The following UFC1 variants were observed in gnomAD, a reference collection of about 807,000 sequenced individuals.
UFC1 encodes the protein ubiquitin-fold modifier-conjugating enzyme 1.
Under a neutral mutation model 28.0 loss-of-function variants are expected in UFC1, and 22 were observed. The observed-to-expected ratio is 0.78, with a 90% CI of 0.56 to 1.12. The LOEUF is 1.12. Among genes scored for constraint, UFC1 ranks in the 50% most tolerant of loss-of-function variants. The probability of loss-of-function intolerance (pLI) is 0.00; values close to 1 mark genes in which losing one functional copy is unlikely to be tolerated. For synonymous variants in UFC1, 61 were observed against 74.5 expected, an observed-to-expected ratio of 0.82 and a Z score of 0.93; for missense variants, 189 against 207.8, an observed-to-expected ratio of 0.91 and a Z score of 0.56.
chr1:161,158,318 A>G (rs528281489), intron 5 of UFC1, 94 bp from the exon 6 acceptor site: 16 of 1,575,660 alleles, frequency 1.0e-5, no homozygotes, highest in Admixed American at 3.3e-5. Context: ...TCCCTTAAGC[A>G]TGTTCCCCCA....
intron 3 of UFC1, 53 bp downstream of exon 3, chr1:161,157,370 A>G (rs1287131892): frequency 2.5e-6 from 4 of 1,598,210 alleles, no homozygotes; most frequent in Non-Finnish European, 3.4e-6. Flanking sequence ...GAGGGATTAG[A>G]TGATGGGTAA....
rs920778048 is a variant in UFC1 at position 161,158,587 on chromosome 1, G to A, written c.*95G>A. On this transcript the variant is annotated 3_prime_UTR_variant, in exon 6 of 6. Transcript: ENST00000368003. ...ACTTAACTCATCTAACTGCTTCCCC[G>A]GACACCCTCCACCTCTAGTTGTTAC... 20 of 1,340,682 alleles carry A rather than the reference G, an allele frequency of 1.5e-5. No homozygotes were observed. The highest frequency in any genetic ancestry group is 2.4e-5 in the East Asian group (1 of 42,436). The allele number at this position is 1,340,682 out of a possible 1,614,324, so 83.0% of individuals were successfully genotyped here.
Position 161,158,121 on chromosome 1 carries a change from G to A in UFC1, c.333G>A (p.Arg111=). The A allele has an allele frequency of 6.2e-6, 10 of 1,614,056 alleles. No individual in the cohort carries two copies. Among genetic ancestry groups the A allele is most frequent in the Non-Finnish European group, 8.5e-6 (10 of 1,179,962 alleles). The change falls in exon 5 of 6, where the codon AGG becomes AGA. Residue 111 remains arginine (R), a splice_region_variant and synonymous_variant. Coordinates refer to ENST00000368003, the MANE Select transcript of UFC1 (RefSeq NM_016406.4). ...CACCTTCTTCATGTCCCTCTCATAG[G>A]GGTGGCAAAATATGCCTGACGGATC... ...ELDGKTAKMY[R]GGKICLTDHF...
In UFC1 at chr1:161,158,421, T is replaced by C. The variant is rs377265820; in HGVS notation, c.433T>C (p.Trp145Arg). Residue 145 changes from tryptophan (W) to arginine (R), a missense_variant, in exon 6 of 6, where the codon TGG (tryptophan) becomes CGG (arginine). Transcript: ENST00000368003. ...TTTCCTTGTATTGCAGCTGGGTCCA[T>C]GGCTGGCAGTGGAAATCCCTGATCT... Reference protein sequence around the residue: ...AHLMALGLGPWLAVEIPDLIQ... With the variant: ...AHLMALGLGPRLAVEIPDLIQ... 1.2e-5 allele frequency: 20 copies of C among 1,614,084 alleles called. No homozygotes were observed. The highest frequency in any genetic ancestry group is 1.7e-5 in the Non-Finnish European group (20 of 1,180,050).
At chr1:161,155,721 G>C (rs1053404756) in intron 1 of UFC1, among the ~76,000 whole-genome samples, 1 of 152,222 alleles carries the variant, frequency 6.6e-6, no homozygotes, top group African/African-American at 2.4e-5. Context: ...GATTAGTGTA[G>C]TAAGGGATAG....
At chr1:161,156,200 C>T (rs1657498808) in intron 1 of UFC1, among the ~76,000 whole-genome samples, 1 of 152,134 alleles carries the variant, frequency 6.6e-6, no homozygotes, top group African/African-American at 2.4e-5. Flanking sequence ...GCCTTGTCTT[C>T]AGCTTTGCTA....
At chr1:161,157,820 C>A in intron 4 of UFC1, 127 bp downstream of exon 4, 1 of 794,832 alleles carries the variant, frequency 1.3e-6, no homozygotes, top group Non-Finnish European at 2.1e-6. Context: ...ATGGGATGAT[C>A]TATGTGTAAA....
Position 161,157,671 on chromosome 1 carries a change from G to A in UFC1, c.310G>A (p.Gly104Arg), listed in dbSNP as rs1435223013. The A allele has an allele frequency of 1.2e-6, 2 of 1,614,008 alleles. No homozygotes were observed. The highest frequency in any genetic ancestry group is 1.7e-6 in the Non-Finnish European group (2 of 1,179,946). Residue 104 changes from glycine to arginine, a missense_variant, in exon 4 of 6, where the codon GGA becomes AGA. Gly to Arg is a moderately radical substitution (Grantham distance 125). Transcript: ENST00000368003. Reference sequence around the variant, plus strand: ...AGAAATTGCAGTTCCTGAGCTGGATGGAAAGACAGCAAAGATGTACAGGTA... The same window carrying A: ...AGAAATTGCAGTTCCTGAGCTGGATAGAAAGACAGCAAAGATGTACAGGTA... ...APEIAVPELD[G>R]KTAKMYRGGK...
chr1:161,156,876 ACTTTT>A (rs1020417292), intron 1 of UFC1, 69 bp from the exon 2 acceptor site: 4 of 1,259,940 alleles, frequency 3.2e-6, no homozygotes, highest in Admixed American at 2.2e-5. Context: ...ATAACCACAT[ACTTTT>A]CTTTTGAGGA....
In UFC1 at chr1:161,153,997, G is replaced by A. The variant is rs1220966777; in HGVS notation, c.-1G>A. 1.2e-6 allele frequency: 2 copies of A among 1,614,144 alleles called. No individual in the cohort carries two copies. The highest frequency in any genetic ancestry group is 2.2e-5 in the East Asian group (1 of 44,882). ...GCGTTTCTCTTGCGCCCTGGTCCAA[G>A]ATGGCGGATGAAGCCACGCGACGTG... On this transcript the variant is annotated 5_prime_UTR_variant, in exon 1 of 6. Coordinates refer to ENST00000368003, the MANE Select transcript of UFC1 (RefSeq NM_016406.4).
Position 161,153,990 on chromosome 1 carries a change from G to C in UFC1, c.-8G>C. ...CACTTCCGCGTTTCTCTTGCGCCCT[G>C]GTCCAAGATGGCGGATGAAGCCACG... On this transcript the variant is annotated 5_prime_UTR_variant, in exon 1 of 6. Coordinates refer to ENST00000368003, the MANE Select transcript of UFC1 (RefSeq NM_016406.4). 1.9e-6 allele frequency: 3 copies of C among 1,614,078 alleles called. No individual in the cohort carries two copies. The highest frequency in any genetic ancestry group is 2.2e-5 in the East Asian group (1 of 44,882).
At chr1:161,154,230 C>T in intron 1 of UFC1, 110 bp downstream of exon 1, 1 of 1,508,744 alleles carries the variant, frequency 6.6e-7, no homozygotes, top group Non-Finnish European at 9.0e-7. Flanking sequence ...AGTTTAACGC[C>T]CAAATTCATA....
intron 1 of UFC1, 59 bp downstream of exon 1, chr1:161,154,179 C>T: frequency 6.2e-7 from 1 of 1,601,650 alleles, no homozygotes; most frequent in Non-Finnish European, 8.5e-7. Flanking sequence ...ATCAGGTGTC[C>T]TCAATAATAG....
intron 4 of UFC1, chr1:161,157,903 A>AG: frequency 1.6e-6 from 1 of 628,648 alleles, no homozygotes; most frequent in Non-Finnish European, 2.8e-6. Flanking sequence ...AAAAGATGTA[A>AG]GGAAAAAAAA....
At chr1:161,158,377 G>T (rs760651795) in intron 5 of UFC1, 35 bp from the exon 6 acceptor site, 1 of 1,612,404 alleles carries the variant, frequency 6.2e-7, no homozygotes, top group South Asian at 1.1e-5. Context: ...AGCATTGACT[G>T]GTAGTAATCT....
In UFC1 at chr1:161,158,596, C is replaced by A. The variant is rs780617954; in HGVS notation, c.*104C>A. 6.6e-5 allele frequency: 82 copies of A among 1,234,654 alleles called. No homozygotes were observed. Among genetic ancestry groups the A allele is most frequent in the Non-Finnish European group, 8.8e-5 (75 of 854,312 alleles). The allele number at this position is 1,234,654 out of a possible 1,614,324, so 76.5% of individuals were successfully genotyped here. A position where few individuals can be genotyped will look rare whatever the true frequency, so the allele number is the denominator to read the frequency against. On this transcript the variant is annotated 3_prime_UTR_variant, in exon 6 of 6. Transcript: ENST00000368003. ...ATCTAACTGCTTCCCCGGACACCCT[C>A]CACCTCTAGTTGTTACTAAGTAGCT...
chr1:161,157,418 A>T (rs1657548292), intron 3 of UFC1, 101 bp downstream of exon 3: 1 of 1,499,296 alleles, frequency 6.7e-7, no homozygotes, highest in Non-Finnish European at 9.3e-7. Flanking sequence ...AGAAAACTTT[A>T]AAAATGGGAG....
intron 1 of UFC1, among the ~76,000 whole-genome samples, chr1:161,154,573 C>G (rs1657455775): frequency 6.6e-6 from 1 of 152,180 alleles, no homozygotes; most frequent in Admixed American, 6.5e-5. Flanking sequence ...CAACCTCCGA[C>G]TCCCGGGTTC....
chr1:161,158,562 A>T lies in UFC1; in HGVS notation c.*70A>T. On this transcript the variant is annotated 3_prime_UTR_variant, in exon 6 of 6. Transcript: ENST00000368003. ...ACGATACTATTTTCCTGTGCATCAC[A>T]CTTAACTCATCTAACTGCTTCCCCG... 1 of 1,538,290 alleles carries T rather than the reference A, an allele frequency of 6.5e-7. No individual in the cohort carries two copies. The highest frequency in any genetic ancestry group is 9.0e-7 in the Non-Finnish European group (1 of 1,112,944).
Sources: gnomAD v4.1 joint callset for allele counts (sites outside exome capture counted in the v4.1 genomes callset) on GRCh38, gnomAD v4.1.1 for gene constraint, MANE v1.5 for transcripts, NCBI Gene and HGNC (gene_info 2026-07-23, HGNC 2026-07-21) for gene names.